EXOC2: variants seen among roughly 807,000 people sequenced by gnomAD.
EXOC2 encodes SEC5-like 1.
A neutral mutation model predicts 131.8 loss-of-function variants in EXOC2; 70 were observed. The observed-to-expected ratio is 0.53, with a 90% CI of 0.44 to 0.65. The LOEUF is 0.65. Ranked by LOEUF, EXOC2 falls within the 30% of genes least tolerant of loss-of-function variation. EXOC2 has a pLI of 0.00. For synonymous variants in EXOC2, 411 were observed against 398.4 expected (o/e 1.03, Z -0.38); for missense variants, 923 against 1,108.6 (o/e 0.83, Z 2.38).
chr6:549,322 C>G (rs774444840), intron 21 of EXOC2, 31 bp from the exon 22 acceptor site: 1 of 1,514,308 alleles, frequency 6.6e-7, no homozygotes, highest in South Asian at 1.1e-5. Flanking sequence ...TAGAAAATCA[C>G]CTTTATGGTG....
intron 1 of EXOC2, among the ~76,000 whole-genome samples, chr6:668,556 G>A (rs888587557): frequency 2.0e-5 from 3 of 152,188 alleles, no homozygotes; most frequent in Admixed American, 2.0e-4. Context: ...TCTGTGGGAA[G>A]CTACACCTTC....
Position 564,036 on chromosome 6 carries a change from C to T in EXOC2, c.1786G>A (p.Glu596Lys). ...CVMATLQHTA[E>K]EIKRLAEKED... is the part of the protein sequence containing the mutation. ...TCACCGATTTATCAAAACACACCTT[C>T]CGCCGTGTGCTGCAACGTGGCCATT... The change falls in exon 16 of 28, where the codon GAA (glutamate) becomes AAA (lysine). Residue 596 changes from glutamate to lysine, a missense_variant. Coordinates refer to ENST00000230449, the MANE Select transcript of EXOC2 (RefSeq NM_018303.6). 1 of 1,613,698 alleles carries T rather than the reference C, an allele frequency of 6.2e-7. No individual in the cohort carries two copies. The highest frequency in any genetic ancestry group is 1.3e-5 in the African/African-American group (1 of 75,022).
intron 5 of EXOC2, among the ~76,000 whole-genome samples, chr6:618,483 C>A (rs1389295837): frequency 6.6e-6 from 1 of 152,144 alleles, no homozygotes; most frequent in Non-Finnish European, 1.5e-5. Context: ...TAAACGTATT[C>A]TTGATAGACC....
At chr6:511,885 T>C (rs1764868550) in intron 23 of EXOC2, among the ~76,000 whole-genome samples, 2 of 152,278 alleles carry the variant, frequency 1.3e-5, no homozygotes. Flanking sequence ...TCAGTATCAA[T>C]GATCACTCGC....
chr6:605,281 T>G (rs1760340250), intron 7 of EXOC2, among the ~76,000 whole-genome samples: 1 of 152,232 alleles, frequency 6.6e-6, no homozygotes, highest in Non-Finnish European at 1.5e-5. Context: ...AAAATTACAT[T>G]TGTTCTGTGA....
chr6:596,571 TG>T (rs1200915885), intron 10 of EXOC2, among the ~76,000 whole-genome samples: 1 of 152,166 alleles, frequency 6.6e-6, no homozygotes, highest in African/African-American at 2.4e-5. Context: ...TTTGCTATAT[TG>T]CCCAGGCTAG....
chr6:532,086 T>C (rs911992246), intron 23 of EXOC2, among the ~76,000 whole-genome samples: 2 of 152,190 alleles, frequency 1.3e-5, no homozygotes, highest in African/African-American at 4.8e-5. Context: ...AGGTCTTACA[T>C]AGAAGTGACC....
chr6:650,090 T>C (rs554392962), intron 1 of EXOC2, among the ~76,000 whole-genome samples: 1 of 152,318 alleles, frequency 6.6e-6, no homozygotes, highest in African/African-American at 2.4e-5. Context: ...TCCAAAAGGT[T>C]TGAGATTTTT....
intron 26 of EXOC2, among the ~76,000 whole-genome samples, chr6:489,717 A>G (rs1374295416): frequency 6.6e-6 from 1 of 152,256 alleles, no homozygotes; most frequent in Non-Finnish European, 1.5e-5. Context: ...ACAAAGGAAC[A>G]GTTCTTTTAT....
intron 24 of EXOC2, 90 bp from the exon 25 acceptor site, chr6:497,579 G>C: frequency 1.4e-6 from 2 of 1,463,896 alleles, no homozygotes; most frequent in Non-Finnish European, 1.8e-6. Context: ...CAAAACAAAA[G>C]AAAATCAACA....
intron 1 of EXOC2, among the ~76,000 whole-genome samples, chr6:658,665 A>ATATATAT (rs1374453663): frequency 1.2e-4 from 14 of 115,542 alleles, no homozygotes; most frequent in East Asian, 6.7e-4. Context: ...ATATATATAT[A>ATATATAT]TTTTTTTTTT....
intron 23 of EXOC2, among the ~76,000 whole-genome samples, chr6:504,004 C>G (rs555267195): frequency 6.6e-6 from 1 of 152,368 alleles, no homozygotes; most frequent in African/African-American, 2.4e-5. Flanking sequence ...TCAGCTCTTT[C>G]AAACACCTGT....
At chr6:562,914 G>T in intron 16 of EXOC2, 69 bp from the exon 17 acceptor site, 1 of 1,124,308 alleles carries the variant, frequency 8.9e-7, no homozygotes, top group Non-Finnish European at 1.2e-6. Flanking sequence ...GATTAAAAAT[G>T]TATACAGGTT....
At chr6:566,050 C>T (rs564599781) in intron 13 of EXOC2, among the ~76,000 whole-genome samples, 292 of 152,228 alleles carry the variant, frequency 1.9e-3, no homozygotes, top group Admixed American at 3.5e-3. Flanking sequence ...TATTAAACTA[C>T]GCAGCTTTTA....
At chr6:625,515 G>A (rs564563027) in intron 4 of EXOC2, among the ~76,000 whole-genome samples, 5 of 123,480 alleles carry the variant, frequency 4.0e-5, no homozygotes, top group South Asian at 2.6e-4. Flanking sequence ...GTTTGTTTCC[G>A]TTCTTTTTTT....
intron 23 of EXOC2, among the ~76,000 whole-genome samples, chr6:515,884 G>A (rs956371676): frequency 4.6e-5 from 7 of 152,194 alleles, no homozygotes; most frequent in South Asian, 4.1e-4. Flanking sequence ...AAACTTGCCC[G>A]TCCTTAGGTT....
chr6:545,545 A>G (rs1756803452), intron 22 of EXOC2, among the ~76,000 whole-genome samples: 1 of 152,240 alleles, frequency 6.6e-6, no homozygotes, highest in African/African-American at 2.4e-5. Flanking sequence ...TAACAGAAGA[A>G]AAAGCGCTAA....
In EXOC2 at chr6:506,460, A is replaced by T. The variant is rs1428170173; in HGVS notation, c.2381-6760T>A. ...AAACGGATTTGCTCCTTGGAGTTAA[A>T]GGCTACATTATTATGCTGCAGTAAT... On this transcript the variant is annotated intron_variant, in intron 23 of 27. Transcript: ENST00000230449. The surrounding 1 kb of genome is among the most constrained non-coding windows in gnomAD (Gnocchi z 4.4). 6.6e-6 allele frequency among the ~76,000 whole-genome samples: 1 copy of T among 152,244 alleles called. No individual in the cohort carries two copies. Among genetic ancestry groups the T allele is most frequent in the Non-Finnish European group, 1.5e-5 (1 of 68,028 alleles).
At position 656,247 on chromosome 6, in the gene EXOC2, T is replaced by C. The variant is rs780341553; in HGVS notation, c.-43-18386A>G. 6.2e-7 allele frequency: 1 copy of C among 1,614,212 alleles called. No homozygotes were observed. Among genetic ancestry groups the C allele is most frequent in the African/African-American group, 1.3e-5 (1 of 75,038 alleles). ...CTCCAAAAACTGCAGAAGCTTCCGA[T>C]TGTCCACCCGCACTTGCACCATGCT... On this transcript the variant is annotated intron_variant, in intron 1 of 27. Coordinates refer to ENST00000230449, the MANE Select transcript of EXOC2 (RefSeq NM_018303.6).
Sources: gnomAD v4.1 joint callset for allele counts (sites outside exome capture counted in the v4.1 genomes callset) on GRCh38, gnomAD v4.1.1 for gene constraint, Gnocchi (gnomAD v3.1) non-coding constraint, MANE v1.5 for transcripts, NCBI Gene and HGNC (gene_info 2026-07-23, HGNC 2026-07-21) for gene names.